Variants in ZMAT4 observed in about 807,000 individuals in gnomAD.
The protein encoded by ZMAT4 is zinc finger matrin-type 4.
In ZMAT4, 17 loss-of-function variants were observed where a neutral mutation model predicts 28.7. That is an observed-to-expected ratio of 0.59 (90% CI 0.41 to 0.89). The LOEUF is 0.89. ZMAT4 is among the 40% of genes least tolerant of loss of function. The probability of loss-of-function intolerance (pLI) is 0.00; values close to 1 mark genes in which losing one functional copy is unlikely to be tolerated. For missense variants in ZMAT4, 240 were observed against 283.8 expected (o/e 0.85, Z 1.11); for synonymous variants, 117 against 109.2 (o/e 1.07, Z -0.44).
chr8:40,740,499 TAAC>T (rs1428665343), intron 3 of ZMAT4, among the ~76,000 whole-genome samples: 1 of 152,218 alleles, frequency 6.6e-6, no homozygotes, highest in Non-Finnish European at 1.5e-5. Flanking sequence ...CTTTATAAAA[TAAC>T]AAAATCTAGT....
intron 1 of ZMAT4, among the ~76,000 whole-genome samples, chr8:40,883,518 T>C (rs1818350315): frequency 6.6e-6 from 1 of 152,162 alleles, no homozygotes; most frequent in African/African-American, 2.4e-5. Context: ...CCTTCTGAGA[T>C]CCACCCTCCC....
intron 1 of ZMAT4, among the ~76,000 whole-genome samples, chr8:40,886,937 C>T (rs1346031585): frequency 6.6e-6 from 1 of 151,692 alleles, no homozygotes; most frequent in East Asian, 2.0e-4. Context: ...TTTGGGAGGC[C>T]AAGGCGGGCA....
chr8:40,895,649 C>T (rs758631260), intron 1 of ZMAT4, among the ~76,000 whole-genome samples: 3 of 152,196 alleles, frequency 2.0e-5, no homozygotes, highest in African/African-American at 7.2e-5. Flanking sequence ...TGCCTCTTCC[C>T]TCTGTGCATG....
At chr8:40,556,550 C>T (rs937952613) in intron 6 of ZMAT4, among the ~76,000 whole-genome samples, 1 of 152,140 alleles carries the variant, frequency 6.6e-6, no homozygotes, top group African/African-American at 2.4e-5. Flanking sequence ...AACCACTCTC[C>T]TGAGTAAGAA....
At chr8:40,779,435 G>A (rs1358365979) in intron 2 of ZMAT4, among the ~76,000 whole-genome samples, 6 of 151,922 alleles carry the variant, frequency 3.9e-5, no homozygotes, top group Non-Finnish European at 5.9e-5. Context: ...AGAGAAGCCA[G>A]AGAGAAACAC....
At chr8:40,753,636 AG>A (rs1302899180) in intron 3 of ZMAT4, among the ~76,000 whole-genome samples, 1 of 152,224 alleles carries the variant, frequency 6.6e-6, no homozygotes, top group East Asian at 1.9e-4. Context: ...GACTCTTGGT[AG>A]GCAAGCAATT....
chr8:40,675,639 A>C (rs1405537077), intron 4 of ZMAT4, among the ~76,000 whole-genome samples: 1 of 152,192 alleles, frequency 6.6e-6, no homozygotes, highest in Non-Finnish European at 1.5e-5. Flanking sequence ...CGAATGAATG[A>C]ATTGGACGTT....
intron 3 of ZMAT4, among the ~76,000 whole-genome samples, chr8:40,721,279 T>C (rs1811080876): frequency 7.0e-6 from 1 of 142,402 alleles, no homozygotes; most frequent in African/African-American, 2.7e-5. Flanking sequence ...ATTTCCAATT[T>C]CATCCATGTC....
At chr8:40,897,607 T>C (rs1818921073) in intron 1 of ZMAT4, 76 bp downstream of exon 1, 2 of 152,170 alleles carry the variant, frequency 1.3e-5, no homozygotes, top group Admixed American at 1.3e-4. Context: ...CTGCAATCCC[T>C]CCACCTAGGC....
intron 3 of ZMAT4, among the ~76,000 whole-genome samples, chr8:40,703,784 AG>A (rs1563423034): frequency 6.6e-6 from 1 of 152,228 alleles, no homozygotes; most frequent in African/African-American, 2.4e-5. Flanking sequence ...AAAGTCTAAA[AG>A]ATTCATTTAA....
intron 4 of ZMAT4, among the ~76,000 whole-genome samples, chr8:40,680,491 A>G (rs1055646203): frequency 7.9e-5 from 12 of 152,278 alleles, no homozygotes; most frequent in African/African-American, 2.9e-4. Flanking sequence ...CCAAGAAGAC[A>G]AGATCCACGG....
chr8:40,789,474 A>G (rs1388291574), intron 2 of ZMAT4, among the ~76,000 whole-genome samples: 6 of 152,230 alleles, frequency 3.9e-5, no homozygotes, highest in Non-Finnish European at 7.3e-5. Context: ...GTCAGACCAT[A>G]TATAAAAACA....
chr8:40,716,156 G>C (rs1005544079), intron 3 of ZMAT4, among the ~76,000 whole-genome samples: 1 of 152,212 alleles, frequency 6.6e-6, no homozygotes, highest in East Asian at 1.9e-4. Context: ...AATCTCAACT[G>C]TATTCATGAT....
chr8:40,725,358 G>A (rs28535880), intron 3 of ZMAT4, among the ~76,000 whole-genome samples: 101 of 152,288 alleles, frequency 6.6e-4, no homozygotes, highest in African/African-American at 2.3e-3. Context: ...TCTTTCCTGA[G>A]GGGCCTTCCT....
intron 3 of ZMAT4, among the ~76,000 whole-genome samples, chr8:40,712,688 T>C (rs563673339): frequency 6.6e-6 from 1 of 152,148 alleles, no homozygotes; most frequent in Non-Finnish European, 1.5e-5. Context: ...CCTGAAATCA[T>C]GGTTTTCACA....
At chr8:40,804,291 T>C (rs1289455819) in intron 2 of ZMAT4, among the ~76,000 whole-genome samples, 1 of 152,172 alleles carries the variant, frequency 6.6e-6, no homozygotes. Context: ...TGCACCTCTA[T>C]GGTGGGTGAT....
chr8:40,720,568 C>T (rs1811040953), intron 3 of ZMAT4, among the ~76,000 whole-genome samples: 1 of 145,214 alleles, frequency 6.9e-6, no homozygotes, highest in East Asian at 2.1e-4. Flanking sequence ...TGCTCTGTCA[C>T]CCAGGCTGGA....
At chr8:40,738,013 A>C (rs1010458217) in intron 3 of ZMAT4, among the ~76,000 whole-genome samples, 7 of 152,146 alleles carry the variant, frequency 4.6e-5, no homozygotes, top group Non-Finnish European at 1.0e-4. Context: ...AGCTGCGAAA[A>C]GAGAAGCAAA....
At chr8:40,666,046 T>C (rs1268797481) in intron 5 of ZMAT4, among the ~76,000 whole-genome samples, 1 of 152,202 alleles carries the variant, frequency 6.6e-6, no homozygotes, top group Non-Finnish European at 1.5e-5. Flanking sequence ...CTAAAGTATT[T>C]AAAAGAATAA....
Sources: allele counts gnomAD v4.1 joint callset (sites outside exome capture counted in the v4.1 genomes callset), GRCh38; gene constraint gnomAD v4.1.1; transcripts MANE v1.5; gene names NCBI Gene and HGNC (gene_info 2026-07-23, HGNC 2026-07-21).